The following DOCK8 variants were observed in gnomAD, a reference collection of about 807,000 sequenced individuals.
The protein encoded by DOCK8 is dedicator of cytokinesis 8, also known as dedicator of cytokinesis protein 8.
Under a neutral mutation model 245.6 loss-of-function variants are expected in DOCK8, and 141 were observed. The ratio of observed to expected loss-of-function variants is 0.57; its 90% CI spans 0.50 to 0.66. The LOEUF is 0.66. Ranked by LOEUF, DOCK8 falls within the 30% of genes least tolerant of loss-of-function variation. The pLI is 0.00. For synonymous variants in DOCK8, 1,168 were observed against 970.2 expected, an observed-to-expected ratio of 1.20 and a Z score of -3.79; for missense variants, 2,965 against 2,603.4, an observed-to-expected ratio of 1.14 and a Z score of -3.02.
intron 2 of DOCK8, among the ~76,000 whole-genome samples, chr9:281,827 G>C (rs902936050): frequency 2.0e-5 from 3 of 152,206 alleles, no homozygotes; most frequent in African/African-American, 7.2e-5. Flanking sequence ...CTTGCCAAGG[G>C]CAAGACTAGT....
At chr9:235,152 T>C (rs952166201) in intron 1 of DOCK8, among the ~76,000 whole-genome samples, 1 of 152,222 alleles carries the variant, frequency 6.6e-6, no homozygotes, top group Admixed American at 6.5e-5. Flanking sequence ...TGGAGTTTGC[T>C]AGAGGTCCAC....
At chr9:393,085 C>CAAAAAAAAAAAAAAAAAAAAAAA (rs1159933739) in intron 24 of DOCK8, among the ~76,000 whole-genome samples, 1 of 44,732 alleles carries the variant, frequency 2.2e-5, no homozygotes. Flanking sequence ...GACCCTGTCT[C>CAAAAAAAAAAAAAAAAAAAAAAA]AAAAAAAAAA....
chr9:400,159 A>T (rs939727697), intron 26 of DOCK8, among the ~76,000 whole-genome samples: 26 of 102,016 alleles, frequency 2.5e-4, no homozygotes, highest in Non-Finnish European at 2.4e-4. Flanking sequence ...CATCACCACC[A>T]CCACCACCTC....
At chr9:274,823 T>C (rs1016264272) in intron 2 of DOCK8, among the ~76,000 whole-genome samples, 2 of 152,248 alleles carry the variant, frequency 1.3e-5, no homozygotes, top group Admixed American at 6.5e-5. Context: ...TTGCATTATT[T>C]TGGCTAATTG....
intron 8 of DOCK8, 142 bp downstream of exon 8, chr9:325,879 T>C (rs2050745129): frequency 1.3e-6 from 1 of 797,224 alleles, no homozygotes; most frequent in Non-Finnish European, 2.1e-6. Flanking sequence ...TCTGTTGCCT[T>C]TGCAATTTTT....
chr9:316,203 G>C (rs1454767796), intron 6 of DOCK8, among the ~76,000 whole-genome samples: 1 of 152,220 alleles, frequency 6.6e-6, no homozygotes, highest in Non-Finnish European at 1.5e-5. Context: ...ACAGTGAGAT[G>C]TGACCCTGTT....
intron 33 of DOCK8, among the ~76,000 whole-genome samples, chr9:426,269 A>G (rs1186385866): frequency 2.0e-5 from 3 of 152,216 alleles, no homozygotes; most frequent in Admixed American, 2.0e-4. Flanking sequence ...AATGTCCGGC[A>G]GGATATTAGA....
At chr9:243,832 C>T (rs896187141) in intron 1 of DOCK8, among the ~76,000 whole-genome samples, 3 of 152,098 alleles carry the variant, frequency 2.0e-5, no homozygotes, top group African/African-American at 7.2e-5. Context: ...ACTCCATCAT[C>T]GGCATCCTCA....
At chr9:363,141 A>C (rs527547600) in intron 14 of DOCK8, among the ~76,000 whole-genome samples, 8 of 152,212 alleles carry the variant, frequency 5.3e-5, no homozygotes, top group Non-Finnish European at 1.0e-4. Flanking sequence ...AAAATCGCTG[A>C]TGATTATCAA....
intron 39 of DOCK8, among the ~76,000 whole-genome samples, chr9:438,184 A>C (rs2056967444): frequency 6.6e-6 from 1 of 152,228 alleles, no homozygotes; most frequent in African/African-American, 2.4e-5. Context: ...AGGTTGATTC[A>C]CATGATCTTG....
chr9:223,772 T>G (rs573575795), intron 1 of DOCK8, among the ~76,000 whole-genome samples: 5 of 152,184 alleles, frequency 3.3e-5, no homozygotes, highest in Non-Finnish European at 7.4e-5. Flanking sequence ...TTTAGTTGTT[T>G]TTTTTTTAAT....
intron 4 of DOCK8, among the ~76,000 whole-genome samples, chr9:298,450 G>T (rs1018504631): frequency 5.3e-5 from 8 of 152,074 alleles, no homozygotes; most frequent in Non-Finnish European, 1.2e-4. Context: ...ACAGAAAAAA[G>T]AATTGATTTT....
At chr9:219,024 C>A (rs1226313307) in intron 1 of DOCK8, among the ~76,000 whole-genome samples, 1 of 152,216 alleles carries the variant, frequency 6.6e-6, no homozygotes, top group African/African-American at 2.4e-5. Flanking sequence ...ATGCAGGCAG[C>A]CTGGCTCCAG....
At chr9:256,052 C>G (rs1015797631) in intron 1 of DOCK8, among the ~76,000 whole-genome samples, 4 of 152,164 alleles carry the variant, frequency 2.6e-5, no homozygotes, top group African/African-American at 9.7e-5. Flanking sequence ...ACTTCTGCAT[C>G]TATCACACTA....
intron 42 of DOCK8, among the ~76,000 whole-genome samples, chr9:442,486 A>T (rs2057123610): frequency 6.6e-6 from 1 of 152,180 alleles, no homozygotes; most frequent in Non-Finnish European, 1.5e-5. Flanking sequence ...GGTCCTTCTG[A>T]TGTGGAGCTA....
chr9:369,703 C>T (rs2053191643), intron 15 of DOCK8: 1 of 165,578 alleles, frequency 6.0e-6, no homozygotes, highest in Admixed American at 5.7e-5. Context: ...ATCTCACAAA[C>T]ATGTGGCCTT....
chr9:345,568 A>G (rs1384820768), intron 14 of DOCK8, among the ~76,000 whole-genome samples: 1 of 152,172 alleles, frequency 6.6e-6, no homozygotes, highest in African/African-American at 2.4e-5. Flanking sequence ...GCTGAATATT[A>G]CTTGAGTTGA....
At chr9:439,145 A>C (rs768335051) in intron 39 of DOCK8, 100 bp from the exon 40 acceptor site, 98 of 1,470,424 alleles carry the variant, frequency 6.7e-5, no homozygotes, top group Non-Finnish European at 8.2e-5. Flanking sequence ...CTTGGTAAGG[A>C]TCTGCACACC....
chr9:446,415 G>T lies in DOCK8; in HGVS notation c.5626G>T (p.Glu1876Ter). 2 of 1,614,254 alleles carry T rather than the reference G, an allele frequency of 1.2e-6. No homozygotes were observed. Among genetic ancestry groups the T allele is most frequent in the South Asian group, 1.1e-5 (1 of 91,090 alleles). ...TFVEPYFDEY[E>*]MKDRVTYFEK... is the part of the protein sequence containing the mutation. The stretch of plus-strand genomic sequence containing the variant: ...TGTGGAGCCCTACTTTGATGAGTAT[G>T]AGATGAAAGACAGGGTCACATACTT... The change falls in exon 44 of 48, where the codon GAG becomes TAG. Residue 1876 changes from glutamate to a stop codon, truncating the protein, a stop_gained. Coordinates refer to ENST00000432829, the MANE Select transcript of DOCK8 (RefSeq NM_203447.4). LOFTEE classifies it high-confidence loss of function.
Sources: gnomAD v4.1 joint callset for allele counts (sites outside exome capture counted in the v4.1 genomes callset) on GRCh38, gnomAD v4.1.1 for gene constraint, MANE v1.5 for transcripts, NCBI Gene and HGNC (gene_info 2026-07-23, HGNC 2026-07-21) for gene names.